GLB1L3: variants seen among roughly 807,000 people sequenced by gnomAD.
GLB1L3 encodes the protein beta-galactosidase-1-like protein 3.
GLB1L3 carries 89 observed loss-of-function variants against 89.5 expected under a neutral mutation model. The ratio of observed to expected loss-of-function variants is 0.99; its 90% CI spans 0.84 to 1.19. The LOEUF (loss-of-function observed/expected upper bound fraction) is 1.19. GLB1L3 is among the 50% of genes most tolerant of loss of function. The probability of loss-of-function intolerance (pLI) is 0.00; values close to 1 mark genes in which losing one functional copy is unlikely to be tolerated. For synonymous variants in GLB1L3, 314 were observed against 312.3 expected (o/e 1.01, Z -0.06); for missense variants, 812 against 813.3 (o/e 1.00, Z 0.02).
At chr11:134,280,664 G>C (rs1210038691) in intron 3 of GLB1L3, among the ~76,000 whole-genome samples, 1 of 151,850 alleles carries the variant, frequency 6.6e-6, no homozygotes, top group Admixed American at 6.6e-5. Flanking sequence ...AACAAGCTAC[G>C]TTGTTAAGCT....
intron 10 of GLB1L3, among the ~76,000 whole-genome samples, chr11:134,308,246 ACC>A (rs1942351414): frequency 2.4e-5 from 1 of 41,688 alleles, no homozygotes; most frequent in South Asian, 1.1e-3. Context: ...CATCACCATC[ACC>A]ACCATCACCA....
Position 134,307,209 on chromosome 11 carries a change from G to GT in GLB1L3, c.961+2dup, listed in dbSNP as rs1565411279. On this transcript the variant is annotated splice_donor_variant, in intron 10 of 19. Transcript: ENST00000431683. LOFTEE classifies it high-confidence loss of function. ...AAGCACCATGTTAAAGATGCAAAGGGTGAGTGTTTTGCAGTGTTTGACTCC... is the reference window on the plus strand; with the variant it reads ...AAGCACCATGTTAAAGATGCAAAGGGTTGAGTGTTTTGCAGTGTTTGACTCC... 6.2e-7 allele frequency: 1 copy of GT among 1,609,810 alleles called. No individual in the cohort carries two copies. The highest frequency in any genetic ancestry group is 1.1e-5 in the South Asian group (1 of 90,710).
intron 18 of GLB1L3, among the ~76,000 whole-genome samples, chr11:134,314,989 GA>G (rs1196344409): frequency 2.0e-5 from 3 of 152,168 alleles, no homozygotes; most frequent in African/African-American, 7.2e-5. Flanking sequence ...AATTATCACT[GA>G]AAGTTAAAAA....
intron 10 of GLB1L3, among the ~76,000 whole-genome samples, chr11:134,308,652 T>TCACCATCACCACCACCACCAC (rs1555080609): frequency 6.4e-4 from 67 of 105,314 alleles, no homozygotes; most frequent in Admixed American, 3.1e-3. Context: ...ATCACCACCA[T>TCACCATCACCACCACCACCAC]CATCACCACC....
chr11:134,288,825 G>A lies in GLB1L3; in HGVS notation c.664G>A (p.Val222Met). The change falls in exon 7 of 20, where the codon GTG (valine) becomes ATG (methionine). Residue 222 changes from valine to methionine, a missense_variant. Physicochemically the swap from Val to Met is conservative, Grantham distance 21. Coordinates refer to ENST00000431683, the MANE Select transcript of GLB1L3 (RefSeq NM_001080407.3). ...QYRQAGPVIAVQVENEYGSFN... is the reference protein window; with the variant it reads ...QYRQAGPVIAMQVENEYGSFN... ...CCGCCAGGCAGGCCCTGTCATCGCG[G>A]TGCAAGTGGAGAATGAGTATGGCTC... The A allele has an allele frequency of 6.2e-7, 1 of 1,613,510 alleles. No individual in the cohort carries two copies. Among genetic ancestry groups the A allele is most frequent in the Non-Finnish European group, 8.5e-7 (1 of 1,179,678 alleles).
Position 134,276,774 on chromosome 11 carries a change from G to A in GLB1L3, c.23+11G>A, listed in dbSNP as rs1158329400. ...CCCGCCCCTCCTCAGGTGACGGATC[G>A]CCGCTGCCGTCCCGGGCTGCCCACC... On this transcript the variant is annotated intron_variant, in intron 1 of 19. Coordinates refer to ENST00000431683, the MANE Select transcript of GLB1L3 (RefSeq NM_001080407.3). 2 of 1,436,992 alleles carry A rather than the reference G, an allele frequency of 1.4e-6. No homozygotes were observed. Among genetic ancestry groups the A allele is most frequent in the Non-Finnish European group, 9.1e-7 (1 of 1,095,314 alleles). 89.0% of individuals were successfully genotyped at this position (1,436,992 alleles called of 1,614,324 possible).
At chr11:134,283,703 T>A (rs1406112119) in intron 5 of GLB1L3, 34 bp from the exon 6 acceptor site, 1 of 1,311,010 alleles carries the variant, frequency 7.6e-7, no homozygotes, top group Non-Finnish European at 1.1e-6. Flanking sequence ...TCCCAACCCG[T>A]CTCAGACCCT....
In GLB1L3 at chr11:134,283,842, C is replaced by T; in HGVS notation, c.633C>T (p.Leu211=). The T allele has an allele frequency of 6.4e-7, 1 of 1,569,444 alleles. No individual in the cohort carries two copies. Among genetic ancestry groups the T allele is most frequent in the Non-Finnish European group, 8.8e-7 (1 of 1,140,840 alleles). Residue 211 remains leucine, a synonymous_variant, in exon 6 of 20, where the codon CTC becomes CTT. Transcript: ENST00000431683. ...FDHLIPRVIP[L]QYRQAGPVIA... is the part of the protein sequence containing the mutation. Reference sequence around the variant, plus strand: ...ACCTGATTCCCAGAGTGATTCCTCTCCAGGTAAAGCCAAATTGTCCCCTGC... The same window carrying T: ...ACCTGATTCCCAGAGTGATTCCTCTTCAGGTAAAGCCAAATTGTCCCCTGC...
At position 134,307,155 on chromosome 11, in the gene GLB1L3, G is replaced by C. The variant is rs1418881989; in HGVS notation, c.908G>C (p.Trp303Ser). 6.2e-6 allele frequency: 10 copies of C among 1,613,456 alleles called. No homozygotes were observed. Among genetic ancestry groups the C allele is most frequent in the Non-Finnish European group, 8.5e-6 (10 of 1,179,676 alleles). The change falls in exon 10 of 20, where the codon TGG (tryptophan) becomes TCG (serine). Residue 303 changes from tryptophan to serine, a missense_variant. Physicochemically the swap from Trp to Ser is radical, Grantham distance 177. This residue lies in a region of GLB1L3 where 618 missense variants were observed against 604.0 expected (regional missense o/e 1.02). Transcript: ENST00000431683. ...AAGCCCCTTCTGATTATGGAATACT[G>C]GGTCGGCTGGTTCGACAGATGGGGA... ...RDKPLLIMEYWVGWFDRWGDK... is the reference protein window; with the variant it reads ...RDKPLLIMEYSVGWFDRWGDK...
intron 18 of GLB1L3, chr11:134,316,940 C>G (rs1943010068): frequency 6.6e-6 from 1 of 152,180 alleles, no homozygotes; most frequent in South Asian, 2.1e-4. Flanking sequence ...GTGCTTTCTT[C>G]TCATATTAAG....
intron 7 of GLB1L3, among the ~76,000 whole-genome samples, chr11:134,289,995 G>A (rs946293106): frequency 2.0e-5 from 3 of 152,214 alleles, no homozygotes; most frequent in Non-Finnish European, 4.4e-5. Context: ...AGGCCGGGGC[G>A]GGAAGGAGAG....
At position 134,319,074 on chromosome 11, in the gene GLB1L3, C is replaced by T; in HGVS notation, c.*132C>T. 1 of 663,590 alleles carries T rather than the reference C, an allele frequency of 1.5e-6. No homozygotes were observed. Among genetic ancestry groups the T allele is most frequent in the South Asian group, 1.8e-5 (1 of 55,700 alleles). The allele number at this position is 663,590 out of a possible 1,614,324, so 41.1% of individuals were successfully genotyped here. A position where few individuals can be genotyped will look rare whatever the true frequency, so the allele number is the denominator to read the frequency against. ...GGTTCACGCCATTCTCCTGCCTCAG[C>T]CTCCCCAGCAGCTGGGACTACAGGT... On this transcript the variant is annotated 3_prime_UTR_variant, in exon 20 of 20. Transcript: ENST00000431683.
In GLB1L3 at chr11:134,282,107, G is replaced by A. The variant is rs1253603300; in HGVS notation, c.514G>A (p.Gly172Arg). 8.3e-6 allele frequency: 13 copies of A among 1,566,402 alleles called. No individual in the cohort carries two copies. Among genetic ancestry groups the A allele is most frequent in the East Asian group, 6.9e-5 (3 of 43,674 alleles). The change falls in exon 5 of 20, where the codon GGG becomes AGG. Residue 172 changes from glycine to arginine, a missense_variant. Gly to Arg is a moderately radical substitution (Grantham distance 125). This residue lies in a region of GLB1L3 where 618 missense variants were observed against 604.0 expected (regional missense o/e 1.02). Transcript: ENST00000431683. ...CTACATCTGCAGTGAGATGGACCTC[G>A]GGGGCTTGCCCAGGTAAGCGGGGCT... ...GRYICSEMDL[G>R]GLPSWLLQDP...
intron 8 of GLB1L3, 169 bp downstream of exon 8, chr11:134,292,382 G>A (rs1046580760): frequency 1.3e-4 from 72 of 557,408 alleles, no homozygotes; most frequent in African/African-American, 1.1e-3. Context: ...CAAGGTTAAG[G>A]CTCAGGGCCA....
At chr11:134,320,461 T>A (rs1179305659), downstream of GLB1L3, among the ~76,000 whole-genome samples, 2 of 152,182 alleles carry the variant, frequency 1.3e-5, no homozygotes, top group Non-Finnish European at 2.9e-5. Context: ...CATATTATAT[T>A]TCAGGTGTAA....
intron 6 of GLB1L3, among the ~76,000 whole-genome samples, chr11:134,287,622 C>T (rs1198028208): frequency 6.6e-6 from 1 of 152,244 alleles, no homozygotes; most frequent in Non-Finnish European, 1.5e-5. Context: ...TCAACTCACT[C>T]GCTGAGAATA....
intron 9 of GLB1L3, among the ~76,000 whole-genome samples, chr11:134,294,821 T>A (rs1941545828): frequency 6.6e-6 from 1 of 152,214 alleles, no homozygotes; most frequent in East Asian, 1.9e-4. Context: ...GACTCAGCGC[T>A]TCATTTCCTT....
At chr11:134,291,849 C>T (rs1288337632) in intron 7 of GLB1L3, among the ~76,000 whole-genome samples, 1 of 152,008 alleles carries the variant, frequency 6.6e-6, no homozygotes, top group Non-Finnish European at 1.5e-5. Context: ...GTGGCGTGTG[C>T]CTGTAGTCCT....
intron 9 of GLB1L3, among the ~76,000 whole-genome samples, chr11:134,300,303 T>C (rs997642112): frequency 4.0e-5 from 6 of 151,218 alleles, no homozygotes; most frequent in Admixed American, 1.3e-4. Context: ...ACCAGACATA[T>C]TGGATTAGGG....
Sources: allele counts gnomAD v4.1 joint callset (sites outside exome capture counted in the v4.1 genomes callset), GRCh38; gene constraint gnomAD v4.1.1; regional missense constraint gnomAD v4.1.1; transcripts MANE v1.5; gene names NCBI Gene and HGNC (gene_info 2026-07-23, HGNC 2026-07-21).